The following DRG1 variants were observed in gnomAD, a reference collection of about 807,000 sequenced individuals.
The protein encoded by DRG1 is developmentally-regulated GTP-binding protein 1.
In DRG1, 19 loss-of-function variants were observed where a neutral mutation model predicts 38.8. The observed-to-expected ratio is 0.49, with a 90% CI of 0.34 to 0.72. DRG1 has a LOEUF of 0.72. Among genes scored for constraint, DRG1 ranks in the 30% least tolerant of loss-of-function variants. The pLI, the probability that DRG1 is intolerant of heterozygous loss-of-function variation, is 0.01. For synonymous variants in DRG1, 167 were observed against 157.5 expected, an observed-to-expected ratio of 1.06 and a Z score of -0.45; for missense variants, 299 against 444.8, an observed-to-expected ratio of 0.67 and a Z score of 2.95.
intron 3 of DRG1, 39 bp downstream of exon 3, chr22:31,403,243 A>G (rs750332682): frequency 6.4e-6 from 10 of 1,556,484 alleles, no homozygotes; most frequent in Admixed American, 4.0e-5. Context: ...AAAGAAATCT[A>G]TTCTTCATTT....
chr22:31,402,919 T>C, intron 2 of DRG1, 110 bp from the exon 3 acceptor site: 1 of 1,266,814 alleles, frequency 7.9e-7, no homozygotes, highest in Middle Eastern at 2.9e-4. Context: ...CATAAAAAGT[T>C]TGAGAAATAG....
chr22:31,425,803 T>C (rs546097653), intron 6 of DRG1, among the ~76,000 whole-genome samples: 4 of 152,338 alleles, frequency 2.6e-5, no homozygotes, highest in Non-Finnish European at 4.4e-5. Context: ...AGCATTTGCA[T>C]GTAATATTTT....
In DRG1 at chr22:31,399,604, A is replaced by G. The variant is rs1295482489; in HGVS notation, c.-80A>G. The G allele has an allele frequency of 6.3e-7, 1 of 1,590,654 alleles. No individual in the cohort carries two copies. The highest frequency in any genetic ancestry group is 8.6e-7 in the Non-Finnish European group (1 of 1,158,620). On this transcript the variant is annotated 5_prime_UTR_variant, in exon 1 of 9. Transcript: ENST00000331457. ...TCGAAGTACCGCGCCTGCGTGCTGC[A>G]GTAGCGCCTGGTGGCGGTGGCAGTT...
chr22:31,415,427 G>A (rs943959411), intron 4 of DRG1, among the ~76,000 whole-genome samples: 1 of 152,054 alleles, frequency 6.6e-6, no homozygotes, highest in African/African-American at 2.4e-5. Flanking sequence ...CGTTAATTTT[G>A]TCCAAGGTGG....
At chr22:31,403,308 A>G in intron 3 of DRG1, 104 bp downstream of exon 3, 1 of 1,221,298 alleles carries the variant, frequency 8.2e-7, no homozygotes, top group South Asian at 1.6e-5. Context: ...TTGATCTACC[A>G]GGCACTTACT....
chr22:31,423,530 T>C, intron 6 of DRG1, 120 bp downstream of exon 6: 1 of 1,182,588 alleles, frequency 8.5e-7, no homozygotes. Flanking sequence ...TGTCTTTTTT[T>C]TTTTTTTTTT....
At chr22:31,410,377 C>T (rs1955572850) in intron 3 of DRG1, among the ~76,000 whole-genome samples, 1 of 151,776 alleles carries the variant, frequency 6.6e-6, no homozygotes, top group African/African-American at 2.4e-5. Context: ...ATCGCTTGAA[C>T]CCGGGAGGTG....
rs1442911348 is a variant in DRG1 at position 31,423,381 on chromosome 22, T to C, written c.684T>C (p.Asp228=). 3 of 1,614,032 alleles carry C rather than the reference T, an allele frequency of 1.9e-6. No individual in the cohort carries two copies. The highest frequency in any genetic ancestry group is 2.5e-6 in the Non-Finnish European group (3 of 1,180,028). Reference sequence around the variant, plus strand: ...CTCTACGTAGTGATGCTACAGCTGATGACCTCATTGATGTGGTGGAAGGAA... The same window carrying C: ...CTCTACGTAGTGATGCTACAGCTGACGACCTCATTGATGTGGTGGAAGGAA... ...DVTLRSDATA[D]DLIDVVEGNR... Residue 228 remains aspartate, a synonymous_variant, in exon 6 of 9, where the codon GAT becomes GAC. Transcript: ENST00000331457.
chr22:31,433,952 T>C lies in DRG1; in HGVS notation c.1085T>C (p.Ile362Thr). Reference protein sequence around the residue: ...KDHTLEDEDVIQIVKK With the variant: ...KDHTLEDEDVTQIVKK ...CATACGTTGGAGGATGAGGATGTCA[T>C]TCAAATTGTGAAGAAGTGAAACCTT... Residue 362 changes from isoleucine (I) to threonine (T), a missense_variant, in exon 9 of 9, where the codon ATT (isoleucine) becomes ACT (threonine). Ile to Thr is a moderately conservative substitution (Grantham distance 89). Coordinates refer to ENST00000331457, the MANE Select transcript of DRG1 (RefSeq NM_004147.4). 3 of 1,614,074 alleles carry C rather than the reference T, an allele frequency of 1.9e-6. No individual in the cohort carries two copies. Among genetic ancestry groups the C allele is most frequent in the Non-Finnish European group, 1.7e-6 (2 of 1,179,920 alleles).
chr22:31,421,926 C>G (rs2050079056), intron 5 of DRG1, among the ~76,000 whole-genome samples: 1 of 151,788 alleles, frequency 6.6e-6, no homozygotes, highest in Non-Finnish European at 1.5e-5. Context: ...ACCATCCTGG[C>G]CAACATGGTG....
At chr22:31,426,976 G>A (rs2050114562) in intron 7 of DRG1, 84 bp from the exon 8 acceptor site, 11 of 1,582,782 alleles carry the variant, frequency 6.9e-6, no homozygotes, top group Non-Finnish European at 9.5e-6. Flanking sequence ...CTGGTCTGAT[G>A]TCAGGGGTGA....
chr22:31,418,513 A>T (rs181530907), intron 4 of DRG1, among the ~76,000 whole-genome samples: 1,703 of 147,984 alleles, frequency 0.012, 12 homozygotes, highest in Middle Eastern at 0.024. Context: ...GAAGCAGAAT[A>T]TTTTTTTTTT....
At chr22:31,432,001 C>T (rs912294921) in intron 8 of DRG1, among the ~76,000 whole-genome samples, 2 of 150,342 alleles carry the variant, frequency 1.3e-5, no homozygotes, top group African/African-American at 4.9e-5. Context: ...AGATAAGAAA[C>T]ATATCGAAGC....
chr22:31,429,803 G>A (rs1213590305), intron 8 of DRG1, among the ~76,000 whole-genome samples: 1 of 152,034 alleles, frequency 6.6e-6, no homozygotes, highest in Non-Finnish European at 1.5e-5. Context: ...GCGCCACCAT[G>A]CCCAGCTAGT....
intron 8 of DRG1, among the ~76,000 whole-genome samples, chr22:31,428,368 C>G (rs561800567): frequency 6.6e-6 from 1 of 152,104 alleles, no homozygotes; most frequent in African/African-American, 2.4e-5. Flanking sequence ...CCCGCCACCA[C>G]GCCCGGCTAA....
intron 6 of DRG1, among the ~76,000 whole-genome samples, chr22:31,425,518 G>T (rs964992426): frequency 6.7e-6 from 1 of 149,864 alleles, no homozygotes; most frequent in East Asian, 2.0e-4. Context: ...ACGGCTTACC[G>T]CAGCCTTGAA....
Position 31,403,183 on chromosome 22 carries a change from A to G in DRG1, c.321A>G (p.Arg107=), listed in dbSNP as rs771428238. Residue 107 remains arginine, a synonymous_variant, in exon 3 of 9, where the codon AGA becomes AGG. Coordinates refer to ENST00000331457, the MANE Select transcript of DRG1 (RefSeq NM_004147.4). ...TGACCACTGTGCCTGGTGTCATCAGATACAAAGGTGCCAAGATCCAGGTGA... is the reference window on the plus strand; with the variant it reads ...TGACCACTGTGCCTGGTGTCATCAGGTACAAAGGTGCCAAGATCCAGGTGA... ...TTLTTVPGVI[R]YKGAKIQLLD... 1.4e-5 allele frequency: 23 copies of G among 1,611,000 alleles called. No individual in the cohort carries two copies. Among genetic ancestry groups the G allele is most frequent in the Non-Finnish European group, 2.0e-5 (23 of 1,178,906 alleles).
In DRG1 at chr22:31,427,181, T is replaced by C; in HGVS notation, c.1003T>C (p.Tyr335His). 1 of 1,613,914 alleles carries C rather than the reference T, an allele frequency of 6.2e-7. No homozygotes were observed. The highest frequency in any genetic ancestry group is 8.5e-7 in the Non-Finnish European group (1 of 1,179,926). Residue 335 changes from tyrosine (Y) to histidine (H), a missense_variant and splice_region_variant, in exon 8 of 9, where the codon TAT (tyrosine) becomes CAT (histidine). Tyr to His is a moderately conservative substitution (Grantham distance 83). Coordinates refer to ENST00000331457, the MANE Select transcript of DRG1 (RefSeq NM_004147.4). Reference protein sequence around the residue: ...IHKNLIKEFKYALVWGLSVKH... With the variant: ...IHKNLIKEFKHALVWGLSVKH... ...CAAAAATCTTATCAAAGAATTTAAA[T>C]AGTAAGTATCATGGGCCTGTGGTCC... is the stretch of plus-strand genomic sequence containing the variant.
intron 6 of DRG1, 115 bp downstream of exon 6, chr22:31,423,525 T>TA: frequency 1.2e-5 from 3 of 255,804 alleles, no homozygotes; most frequent in Non-Finnish European, 1.7e-5. Flanking sequence ...CCTACTGTCT[T>TA]TTTTTTTTTT....
Sources: allele counts gnomAD v4.1 joint callset (sites outside exome capture counted in the v4.1 genomes callset), GRCh38; gene constraint gnomAD v4.1.1; transcripts MANE v1.5; gene names NCBI Gene and HGNC (gene_info 2026-07-23, HGNC 2026-07-21).